Variants in STPG4 observed in about 807,000 individuals in gnomAD.
STPG4 encodes the protein sperm-tail PG-rich repeat containing 4.
Under a neutral mutation model 31.5 loss-of-function variants are expected in STPG4, and 41 were observed. That is an observed-to-expected ratio of 1.30 (90% CI 1.01 to 1.69). STPG4 has a LOEUF of 1.69. STPG4 is among the 40% of genes most tolerant of loss of function. The pLI, the probability that STPG4 is intolerant of heterozygous loss-of-function variation, is 0.00. For missense variants in STPG4, 375 were observed against 293.4 expected (o/e 1.28, Z -2.03); for synonymous variants, 141 against 103.0 (o/e 1.37, Z -2.24).
intron 5 of STPG4, among the ~76,000 whole-genome samples, chr2:47,114,113 G>A (rs941214717): frequency 2.0e-5 from 3 of 152,116 alleles, no homozygotes; most frequent in South Asian, 2.1e-4. Flanking sequence ...GCTCATGCCT[G>A]TAATCCTAGC....
chr2:47,122,626 A>T (rs534433912), intron 5 of STPG4, among the ~76,000 whole-genome samples: 4 of 152,204 alleles, frequency 2.6e-5, no homozygotes, highest in African/African-American at 9.6e-5. Flanking sequence ...TTGTATTAAT[A>T]AAAAAATCTT....
intron 5 of STPG4, among the ~76,000 whole-genome samples, chr2:47,103,076 T>C (rs1338243219): frequency 2.6e-5 from 4 of 151,872 alleles, no homozygotes; most frequent in African/African-American, 9.7e-5. Context: ...AAGGGACAAA[T>C]TCCCTACTGG....
chr2:47,110,465 G>A (rs1686013181), intron 5 of STPG4, among the ~76,000 whole-genome samples: 1 of 152,138 alleles, frequency 6.6e-6, no homozygotes, highest in Non-Finnish European at 1.5e-5. Context: ...CTGGTGGCGG[G>A]CACCTGTAAT....
At chr2:47,105,913 G>C (rs1348365012) in intron 5 of STPG4, among the ~76,000 whole-genome samples, 10 of 152,044 alleles carry the variant, frequency 6.6e-5, no homozygotes, top group East Asian at 1.9e-4. Flanking sequence ...GGAAATTATA[G>C]AGTTATTGCA....
At chr2:47,102,135 A>G (rs1413650919) in intron 5 of STPG4, among the ~76,000 whole-genome samples, 2 of 136,140 alleles carry the variant, frequency 1.5e-5, no homozygotes, top group Admixed American at 1.4e-4. Context: ...TATTCCGATC[A>G]GCAGGGTCCG....
At chr2:47,126,130 T>C (rs1686360383) in intron 5 of STPG4, among the ~76,000 whole-genome samples, 1 of 152,226 alleles carries the variant, frequency 6.6e-6, no homozygotes, top group Non-Finnish European at 1.5e-5. Flanking sequence ...AATAGCTCTG[T>C]AGTATAATTT....
intron 5 of STPG4, among the ~76,000 whole-genome samples, chr2:47,125,515 C>G (rs1406210772): frequency 6.6e-6 from 1 of 152,074 alleles, no homozygotes; most frequent in African/African-American, 2.4e-5. Context: ...AAATATTGTC[C>G]CCCATTATGT....
chr2:47,145,854 T>A (rs962198394), intron 3 of STPG4, among the ~76,000 whole-genome samples: 1 of 152,182 alleles, frequency 6.6e-6, no homozygotes, highest in Admixed American at 6.5e-5. Context: ...GTACACTTGA[T>A]AGCTATAGAT....
At chr2:47,152,886 AAG>A in intron 2 of STPG4, 69 bp downstream of exon 2, 1 of 1,122,682 alleles carries the variant, frequency 8.9e-7, no homozygotes, top group South Asian at 1.7e-5. Flanking sequence ...TTAGTCTTAA[AAG>A]CTATAATTGA....
At chr2:47,147,727 T>G (rs1686852115) in intron 3 of STPG4, among the ~76,000 whole-genome samples, 1 of 152,002 alleles carries the variant, frequency 6.6e-6, no homozygotes, top group Non-Finnish European at 1.5e-5. Flanking sequence ...CAGGGGTCAG[T>G]GGAGGACTAC....
In STPG4 at chr2:47,119,227, C is replaced by A. The variant is rs191648249; in HGVS notation, c.519+10714G>T. 1.6e-4 allele frequency among the ~76,000 whole-genome samples: 25 copies of A among 152,354 alleles called. No homozygotes were observed. In the East Asian group the frequency reaches 4.4e-3, roughly 27 times the overall value. On this transcript the variant is annotated intron_variant, in intron 5 of 6. Coordinates refer to ENST00000445927, the MANE Select transcript of STPG4 (RefSeq NM_001163561.2). Reference sequence around the variant, plus strand: ...GCATGTTTAAGACAGACATGAATCACAGCCCTGGGCTGTTACTTTGCCTTG... The same window carrying A: ...GCATGTTTAAGACAGACATGAATCAAAGCCCTGGGCTGTTACTTTGCCTTG...
intron 3 of STPG4, among the ~76,000 whole-genome samples, chr2:47,139,742 G>A (rs1453316509): frequency 2.0e-5 from 3 of 151,994 alleles, no homozygotes; most frequent in Admixed American, 2.0e-4. Flanking sequence ...ATTATGCTCT[G>A]ACAATTTTGA....
chr2:47,129,807 T>G, intron 5 of STPG4, 134 bp downstream of exon 5: 1 of 1,098,282 alleles, frequency 9.1e-7, no homozygotes, highest in Non-Finnish European at 1.3e-6. Context: ...TGGATAATTG[T>G]GTGGATAATG....
At chr2:47,128,490 T>C (rs575138680) in intron 5 of STPG4, among the ~76,000 whole-genome samples, 23 of 152,242 alleles carry the variant, frequency 1.5e-4, no homozygotes, top group African/African-American at 5.5e-4. Flanking sequence ...TCTATACTAC[T>C]GCAGCTAAGC....
chr2:47,141,947 A>C (rs1015445742), intron 3 of STPG4, among the ~76,000 whole-genome samples: 1 of 146,172 alleles, frequency 6.8e-6, no homozygotes, highest in Non-Finnish European at 1.5e-5. Flanking sequence ...CCCCACTCTG[A>C]TGTTCACCAT....
intron 5 of STPG4, among the ~76,000 whole-genome samples, chr2:47,127,220 G>A (rs1380526076): frequency 2.8e-5 from 3 of 105,466 alleles, no homozygotes; most frequent in South Asian, 6.4e-4. Context: ...TCCTTTGACT[G>A]TATTTTCAAA....
intron 5 of STPG4, among the ~76,000 whole-genome samples, chr2:47,102,148 G>A (rs1558672358): frequency 7.1e-6 from 1 of 141,676 alleles, no homozygotes; most frequent in African/African-American, 2.8e-5. Flanking sequence ...AGGGTCCGGG[G>A]ACCGTTGCAG....
At chr2:47,143,063 T>G (rs541316478) in intron 3 of STPG4, among the ~76,000 whole-genome samples, 2 of 152,180 alleles carry the variant, frequency 1.3e-5, no homozygotes, top group South Asian at 4.1e-4. Context: ...TGGTCTTAGG[T>G]GATCTGCCTG....
intron 3 of STPG4, among the ~76,000 whole-genome samples, chr2:47,137,440 G>GT (rs1686618091): frequency 6.6e-6 from 1 of 151,960 alleles, no homozygotes; most frequent in Admixed American, 6.6e-5. Context: ...TGTAGTTTTC[G>GT]TTTTTTGTAA....
Sources: allele counts gnomAD v4.1 joint callset (sites outside exome capture counted in the v4.1 genomes callset), GRCh38; gene constraint gnomAD v4.1.1; transcripts MANE v1.5; gene names NCBI Gene and HGNC (gene_info 2026-07-23, HGNC 2026-07-21).